DLG2: variants seen among roughly 807,000 people sequenced by gnomAD.
DLG2 encodes the protein disks large homolog 2.
In DLG2, 45 loss-of-function variants were observed where a neutral mutation model predicts 132.5. That is an observed-to-expected ratio of 0.34 (90% CI 0.27 to 0.44). DLG2 has a LOEUF of 0.44. DLG2 is among the 20% of genes least tolerant of loss of function. DLG2 has a pLI of 1.00. For synonymous variants in DLG2, 424 were observed against 419.6 expected (o/e 1.01, Z -0.13); for missense variants, 1,045 against 1,196.9 (o/e 0.87, Z 1.87).
intron 3 of DLG2, among the ~76,000 whole-genome samples, chr11:85,541,034 G>A (rs1399523091): frequency 6.6e-6 from 1 of 152,130 alleles, no homozygotes; most frequent in Non-Finnish European, 1.5e-5. Context: ...TGTTTCCTGG[G>A]CTGCAGTCAT....
intron 6 of DLG2, among the ~76,000 whole-genome samples, chr11:84,576,631 C>T (rs928057932): frequency 6.6e-6 from 1 of 152,034 alleles, no homozygotes; most frequent in Non-Finnish European, 1.5e-5. Flanking sequence ...AGCAAGTGCA[C>T]AAAAATGAGA....
chr11:84,289,354 C>G lies in DLG2; in HGVS notation c.520-38063G>C, dbSNP rs530417806. On this transcript the variant is annotated intron_variant, in intron 7 of 27. Transcript: ENST00000376104. ...AAATTAGGAAAATTACAAGAATCAG[C>G]CAAACCTTGGCCTTCATTGACCTAT... 4.6e-5 allele frequency among the ~76,000 whole-genome samples: 7 copies of G among 152,080 alleles called. No individual in the cohort carries two copies. The South Asian group carries it at 6.2e-4, about 14-fold the overall frequency.
intron 12 of DLG2, among the ~76,000 whole-genome samples, chr11:83,970,050 G>A (rs1457256785): frequency 4.6e-5 from 7 of 152,012 alleles, no homozygotes; most frequent in Admixed American, 3.9e-4. Context: ...AACACAGGGG[G>A]AATGAGAAGT....
At chr11:84,729,545 G>C (rs1027650234) in intron 6 of DLG2, among the ~76,000 whole-genome samples, 2 of 152,074 alleles carry the variant, frequency 1.3e-5, no homozygotes, top group African/African-American at 2.4e-5. Context: ...TGAGTAGAAT[G>C]CATATTCTGT....
intron 6 of DLG2, among the ~76,000 whole-genome samples, chr11:85,063,137 A>AG (rs1034494160): frequency 2.0e-5 from 3 of 151,832 alleles, no homozygotes; most frequent in African/African-American, 7.3e-5. Flanking sequence ...CGCAGCTGTT[A>AG]GGAGTGTTAG....
chr11:85,607,182 G>C (rs1408517773), intron 2 of DLG2, among the ~76,000 whole-genome samples: 1 of 152,160 alleles, frequency 6.6e-6, no homozygotes. Flanking sequence ...CTATTGGCCA[G>C]TTAAAAGTGA....
chr11:83,827,499 C>T (rs1438294126), intron 17 of DLG2, among the ~76,000 whole-genome samples: 1 of 152,114 alleles, frequency 6.6e-6, no homozygotes, highest in Non-Finnish European at 1.5e-5. Context: ...ACCTATTATA[C>T]CTTCACTTCG....
intron 4 of DLG2, among the ~76,000 whole-genome samples, chr11:85,234,529 A>G (rs2075476382): frequency 6.6e-6 from 1 of 152,050 alleles, no homozygotes; most frequent in Non-Finnish European, 1.5e-5. Context: ...GATCAACAGA[A>G]AGTGCCTAAT....
chr11:84,527,893 TTC>T (rs60170305), intron 7 of DLG2, among the ~76,000 whole-genome samples: 13,120 of 125,492 alleles, frequency 0.1, 546 homozygotes, highest in South Asian at 0.15. Context: ...CTCCCTCCCT[TTC>T]TCTCTCTCTC....
intron 6 of DLG2, among the ~76,000 whole-genome samples, chr11:84,578,644 C>A (rs964917083): frequency 6.6e-6 from 1 of 152,174 alleles, no homozygotes; most frequent in Non-Finnish European, 1.5e-5. Context: ...AACTAGCTTG[C>A]TTTTGACTTT....
chr11:85,619,520 T>C (rs931220803), intron 2 of DLG2, among the ~76,000 whole-genome samples: 1 of 151,908 alleles, frequency 6.6e-6, no homozygotes, highest in Admixed American at 6.6e-5. Flanking sequence ...AAAAAAAAAC[T>C]TGAAGTTTTG....
intron 17 of DLG2, among the ~76,000 whole-genome samples, chr11:83,833,300 T>A (rs777604825): frequency 9.2e-5 from 14 of 152,116 alleles, no homozygotes; most frequent in Non-Finnish European, 1.9e-4. Context: ...TAGTCGGATG[T>A]GGCGGTGGGC....
intron 7 of DLG2, among the ~76,000 whole-genome samples, chr11:84,326,100 T>C (rs1470156680): frequency 6.6e-6 from 1 of 152,070 alleles, no homozygotes; most frequent in Non-Finnish European, 1.5e-5. Flanking sequence ...TCTTTCATTT[T>C]AAAAAATTTT....
intron 3 of DLG2, among the ~76,000 whole-genome samples, chr11:85,395,896 C>T (rs2087308027): frequency 6.6e-6 from 1 of 152,218 alleles, no homozygotes; most frequent in African/African-American, 2.4e-5. Context: ...TGTCTGACAG[C>T]TCTGAAGAGA....
At position 85,154,135 on chromosome 11, in the gene DLG2, G is replaced by GAAAAAAAAAAAA. The variant is rs34094958; in HGVS notation, c.282+409_282+420dup. On this transcript the variant is annotated intron_variant, in intron 5 of 27. Coordinates refer to ENST00000376104, the MANE Select transcript of DLG2 (RefSeq NM_001142699.3). ...CCCACCCTCCCTCTCTTCTTTTGGA[G>GAAAAAAAAAAAA]AAAAAAAAAAAAAAAAAAAAAAAAA... 5.2e-5 allele frequency among the ~76,000 whole-genome samples: 3 copies of GAAAAAAAAAAAA among 57,674 alleles called. 1 individual carries two copies. Among genetic ancestry groups the GAAAAAAAAAAAA allele is most frequent in the African/African-American group, 1.2e-4 (2 of 16,094 alleles). The allele number at this position is 57,674 out of a possible 152,430, so 37.8% of individuals were successfully genotyped here. A position where few individuals can be genotyped will look rare whatever the true frequency, so the allele number is the denominator to read the frequency against.
chr11:83,688,725 C>T (rs2080293632), intron 18 of DLG2, among the ~76,000 whole-genome samples: 1 of 152,054 alleles, frequency 6.6e-6, no homozygotes, highest in South Asian at 2.1e-4. Flanking sequence ...ATTGTGTGTA[C>T]CTTCTTCAAT....
chr11:83,558,970 A>G (rs1227469581), intron 19 of DLG2, among the ~76,000 whole-genome samples: 1 of 151,986 alleles, frequency 6.6e-6, no homozygotes, highest in African/African-American at 2.4e-5. Context: ...AGGGCAAGAC[A>G]TACTGTAAAA....
At chr11:85,529,220 T>A (rs2075018927) in intron 3 of DLG2, among the ~76,000 whole-genome samples, 1 of 152,174 alleles carries the variant, frequency 6.6e-6, no homozygotes, top group Non-Finnish European at 1.5e-5. Flanking sequence ...TTCACCTACA[T>A]TCCTGAGTGA....
chr11:84,315,520 A>T (rs139602794), intron 7 of DLG2, among the ~76,000 whole-genome samples: 18 of 152,288 alleles, frequency 1.2e-4, no homozygotes, highest in Admixed American at 2.0e-4. Context: ...AAATGAATGT[A>T]TTTGTTAAAG....
Sources: gnomAD v4.1 joint callset for allele counts (sites outside exome capture counted in the v4.1 genomes callset) on GRCh38, gnomAD v4.1.1 for gene constraint, MANE v1.5 for transcripts, NCBI Gene and HGNC (gene_info 2026-07-23, HGNC 2026-07-21) for gene names.